The following SHANK2 variants were observed in gnomAD, a reference collection of about 807,000 sequenced individuals.
The protein encoded by SHANK2 is SH3 and multiple ankyrin repeat domains protein 2.
In SHANK2, 43 loss-of-function variants were observed where a neutral mutation model predicts 133.7. The observed-to-expected ratio is 0.32, with a 90% CI of 0.25 to 0.41. SHANK2 has a LOEUF of 0.41. SHANK2 is among the 10% of genes least tolerant of loss of function. SHANK2 has a pLI of 1.00. For synonymous variants in SHANK2, 1,017 were observed against 952.8 expected (o/e 1.07, Z -1.24); for missense variants, 1,994 against 2,235.8 (o/e 0.89, Z 2.18).
intron 14 of SHANK2, among the ~76,000 whole-genome samples, chr11:70,725,342 C>T (rs1017847552): frequency 6.6e-6 from 1 of 152,186 alleles, no homozygotes; most frequent in Non-Finnish European, 1.5e-5. Flanking sequence ...TCAACATTTG[C>T]GGACTCTTAA....
intron 14 of SHANK2, among the ~76,000 whole-genome samples, chr11:70,725,420 G>T (rs1946158649): frequency 6.6e-6 from 1 of 152,226 alleles, no homozygotes; most frequent in Admixed American, 6.5e-5. Flanking sequence ...CTGAGGGCTT[G>T]CCAGGGTGCG....
chr11:71,134,078 G>A (rs1203136675), intron 3 of SHANK2, among the ~76,000 whole-genome samples: 1 of 151,946 alleles, frequency 6.6e-6, no homozygotes, highest in African/African-American at 2.4e-5. Context: ...GGTGGACTGG[G>A]TGACTTGACA....
At chr11:70,670,826 C>T (rs539855069) in intron 15 of SHANK2, among the ~76,000 whole-genome samples, 47 of 152,278 alleles carry the variant, frequency 3.1e-4, no homozygotes, top group Non-Finnish European at 5.7e-4. Flanking sequence ...AATTCCTGCA[C>T]GGAGGGGACT....
chr11:70,567,996 G>A (rs537541252), intron 17 of SHANK2, among the ~76,000 whole-genome samples: 17 of 152,224 alleles, frequency 1.1e-4, no homozygotes, highest in Non-Finnish European at 1.5e-4. Flanking sequence ...AGAGTTAATG[G>A]GGAGACAGGA....
intron 11 of SHANK2, among the ~76,000 whole-genome samples, chr11:70,829,084 G>T (rs370625521): frequency 6.6e-6 from 1 of 152,208 alleles, no homozygotes; most frequent in East Asian, 1.9e-4. Flanking sequence ...AAGACCTTGG[G>T]TGGAGGGTGT....
rs2060024446 is a variant in SHANK2 at position 70,569,931 on chromosome 11, C to T, written c.2062-67000G>A. Among the ~76,000 whole-genome samples the T allele has an allele frequency of 7.0e-6, 1 of 143,724 alleles. No individual in the cohort carries two copies. The highest frequency in any genetic ancestry group is 6.8e-5 in the Admixed American group (1 of 14,660). The allele number at this position is 143,724 out of a possible 152,430, so 94.3% of individuals were successfully genotyped here. A position where few individuals can be genotyped will look rare whatever the true frequency, so the allele number is the denominator to read the frequency against. ...AGAGACACTCACCGAGACAGAGACA[C>T]AGAGACATAGAGAGAGAGAGAGAAG... On this transcript the variant is annotated intron_variant, in intron 17 of 25. Transcript: ENST00000601538. The surrounding 1 kb of genome is among the most constrained non-coding windows in gnomAD (Gnocchi z 5.1).
chr11:70,492,592 G>C, intron 21 of SHANK2, 127 bp from the exon 22 acceptor site: 6 of 1,237,836 alleles, frequency 4.8e-6, no homozygotes, highest in Middle Eastern at 1.9e-4. Context: ...TGTTGCTGCT[G>C]TGAGGAGCAT....
chr11:70,603,735 G>A (rs572542274), intron 17 of SHANK2: 7 of 152,866 alleles, frequency 4.6e-5, no homozygotes, highest in African/African-American at 9.6e-5. Context: ...CTCAAGAGGC[G>A]CCAGGAGAAT....
At chr11:70,613,849 C>G (rs1036368639) in intron 17 of SHANK2, among the ~76,000 whole-genome samples, 2 of 150,970 alleles carry the variant, frequency 1.3e-5, no homozygotes, top group African/African-American at 2.4e-5. Flanking sequence ...ACTGCAACCT[C>G]GGCCTCCCGG....
At chr11:70,478,011 A>G (rs541472229) in intron 25 of SHANK2, among the ~76,000 whole-genome samples, 4 of 152,250 alleles carry the variant, frequency 2.6e-5, no homozygotes, top group South Asian at 2.1e-4. Flanking sequence ...ACCACTGTCT[A>G]CCCTGCCTTT....
intron 10 of SHANK2, chr11:70,942,999 T>C: frequency 2.2e-6 from 1 of 452,458 alleles, no homozygotes; most frequent in East Asian, 7.0e-5. Context: ...GCATGAACCA[T>C]TCATTGTAAT....
intron 14 of SHANK2, among the ~76,000 whole-genome samples, chr11:70,760,269 C>A (rs1271669869): frequency 6.6e-6 from 1 of 152,240 alleles, no homozygotes; most frequent in Non-Finnish European, 1.5e-5. Context: ...CAGCATAAAG[C>A]CCCGTTCCAC....
chr11:70,747,954 A>C (rs1410917634), intron 14 of SHANK2, among the ~76,000 whole-genome samples: 1 of 152,224 alleles, frequency 6.6e-6, no homozygotes, highest in Non-Finnish European at 1.5e-5. Context: ...CATGGACAAT[A>C]ATAAATATTA....
At chr11:71,241,862 G>A (rs141252334) in intron 1 of SHANK2, among the ~76,000 whole-genome samples, 2 of 152,332 alleles carry the variant, frequency 1.3e-5, no homozygotes, top group East Asian at 3.9e-4. Flanking sequence ...AGTATCTCAA[G>A]ACCAGACGGG....
At position 70,575,955 on chromosome 11, in the gene SHANK2, G is replaced by C. The variant is rs371109432; in HGVS notation, c.2062-73024C>G. Reference sequence around the variant, plus strand: ...GCAGCCTGGCAGTGTCAGGGGCTCAGTAATTATTTGTTGGTGGAGACACCT... The same window carrying C: ...GCAGCCTGGCAGTGTCAGGGGCTCACTAATTATTTGTTGGTGGAGACACCT... On this transcript the variant is annotated intron_variant, in intron 17 of 25. Transcript: ENST00000601538. 9.3e-4 allele frequency among the ~76,000 whole-genome samples: 142 copies of C among 152,136 alleles called. 1 individual carries two copies. The highest frequency in any genetic ancestry group is 3.3e-3 in the African/African-American group (138 of 41,506).
chr11:70,541,061 G>A (rs1054884480), intron 17 of SHANK2, among the ~76,000 whole-genome samples: 2 of 152,120 alleles, frequency 1.3e-5, no homozygotes, highest in Non-Finnish European at 2.9e-5. Context: ...AGCTTCGTAT[G>A]ACTGGGATGG....
intron 14 of SHANK2, among the ~76,000 whole-genome samples, chr11:70,781,261 T>C (rs1033287819): frequency 4.0e-5 from 6 of 151,622 alleles, no homozygotes; most frequent in Admixed American, 1.3e-4. Context: ...GTTCTGGAGA[T>C]TGGAGGAAAA....
intron 17 of SHANK2, among the ~76,000 whole-genome samples, chr11:70,576,848 A>C (rs1473870862): frequency 3.9e-5 from 6 of 152,216 alleles, no homozygotes; most frequent in Non-Finnish European, 8.8e-5. Flanking sequence ...ATAGGGCAGT[A>C]GTGCTGCCAA....
intron 2 of SHANK2, among the ~76,000 whole-genome samples, chr11:71,202,219 T>C (rs1380022672): frequency 6.6e-6 from 1 of 152,160 alleles, no homozygotes; most frequent in Non-Finnish European, 1.5e-5. Context: ...GCAGCCCAGA[T>C]CAGGAACTCA....
Sources: allele counts gnomAD v4.1 joint callset (sites outside exome capture counted in the v4.1 genomes callset), GRCh38; gene constraint gnomAD v4.1.1; non-coding constraint Gnocchi (gnomAD v3.1); transcripts MANE v1.5; gene names NCBI Gene and HGNC (gene_info 2026-07-23, HGNC 2026-07-21).